SLC39A11: variants seen among roughly 807,000 people sequenced by gnomAD.
SLC39A11 encodes zinc transporter ZIP11.
Under a neutral mutation model 36.1 loss-of-function variants are expected in SLC39A11, and 33 were observed. The ratio of observed to expected loss-of-function variants is 0.91; its 90% CI spans 0.69 to 1.22. The LOEUF is 1.22. Ranked by LOEUF, SLC39A11 falls within the 50% of genes most tolerant of loss-of-function variation. The probability of loss-of-function intolerance (pLI) is 0.00; values close to 1 mark genes in which losing one functional copy is unlikely to be tolerated. For missense variants in SLC39A11, 432 were observed against 430.3 expected (o/e 1.00, Z -0.03); for synonymous variants, 166 against 170.3 (o/e 0.97, Z 0.20).
chr17:72,715,627 C>A (rs2073326300), intron 7 of SLC39A11, among the ~76,000 whole-genome samples: 1 of 152,108 alleles, frequency 6.6e-6, no homozygotes, highest in African/African-American at 2.4e-5. Flanking sequence ...ATGGCAGTTG[C>A]CAGGGGCTGG....
intron 5 of SLC39A11, among the ~76,000 whole-genome samples, chr17:72,917,798 T>C (rs934164782): frequency 6.6e-5 from 10 of 152,124 alleles, no homozygotes; most frequent in Non-Finnish European, 1.2e-4. Flanking sequence ...GATTAATGAG[T>C]GAAGGAGCTG....
intron 4 of SLC39A11, among the ~76,000 whole-genome samples, chr17:72,997,599 C>T (rs1249779515): frequency 6.6e-6 from 1 of 152,238 alleles, no homozygotes; most frequent in Non-Finnish European, 1.5e-5. Context: ...CATTCCCAAA[C>T]TACCCAGTCA....
chr17:72,862,619 C>T (rs1242851655), intron 5 of SLC39A11, among the ~76,000 whole-genome samples: 3 of 152,138 alleles, frequency 2.0e-5, no homozygotes, highest in African/African-American at 7.2e-5. Context: ...AAGGTGGCTG[C>T]TGAGAGCTTT....
At chr17:72,720,589 T>C (rs768075968) in intron 7 of SLC39A11, among the ~76,000 whole-genome samples, 2 of 152,102 alleles carry the variant, frequency 1.3e-5, no homozygotes, top group Admixed American at 1.3e-4. Flanking sequence ...AGCTGTAGGA[T>C]GTGTCATGGG....
chr17:72,855,281 C>T (rs2079579068), intron 5 of SLC39A11, among the ~76,000 whole-genome samples: 1 of 152,172 alleles, frequency 6.6e-6, no homozygotes, highest in African/African-American at 2.4e-5. Flanking sequence ...ACCAGCAACA[C>T]AGAATGTATG....
At chr17:73,042,478 A>C (rs887036246) in intron 3 of SLC39A11, among the ~76,000 whole-genome samples, 1 of 152,186 alleles carries the variant, frequency 6.6e-6, no homozygotes, top group Non-Finnish European at 1.5e-5. Flanking sequence ...GAGGACACAC[A>C]AACTTGCAAT....
intron 4 of SLC39A11, among the ~76,000 whole-genome samples, chr17:72,987,538 C>T (rs2088849321): frequency 6.6e-6 from 1 of 152,182 alleles, no homozygotes; most frequent in Admixed American, 6.5e-5. Context: ...CCTGACACTC[C>T]CATGGCAAAT....
chr17:72,752,108 T>C (rs1459791976), intron 6 of SLC39A11, among the ~76,000 whole-genome samples: 1 of 152,166 alleles, frequency 6.6e-6, no homozygotes, highest in Admixed American at 6.5e-5. Context: ...GGGGGCCTCC[T>C]TAACCTCCTA....
At chr17:72,961,658 T>C (rs1332765957) in intron 4 of SLC39A11, among the ~76,000 whole-genome samples, 1 of 151,756 alleles carries the variant, frequency 6.6e-6, no homozygotes, top group Non-Finnish European at 1.5e-5. Context: ...AAACACCGCA[T>C]GTTCTCACTC....
intron 6 of SLC39A11, among the ~76,000 whole-genome samples, chr17:72,773,287 C>T (rs1026533702): frequency 1.3e-4 from 20 of 152,044 alleles, no homozygotes; most frequent in Admixed American, 9.8e-4. Flanking sequence ...TTGGCTGTGT[C>T]CCCACCCAAA....
In SLC39A11 at chr17:72,849,628, C is replaced by T. The variant is rs770674217; in HGVS notation, c.601+6G>A. The T allele has an allele frequency of 6.7e-7, 1 of 1,493,386 alleles. No individual in the cohort carries two copies. Among genetic ancestry groups the T allele is most frequent in the South Asian group, 1.4e-5 (1 of 72,596 alleles). 92.5% of individuals were successfully genotyped at this position (1,493,386 alleles called of 1,614,324 possible). A position where few individuals can be genotyped will look rare whatever the true frequency, so the allele number is the denominator to read the frequency against. On this transcript the variant is annotated splice_donor_region_variant and intron_variant, in intron 6 of 9. Transcript: ENST00000255559. ...GTGGCTGTCACGCTCACGGGCAAGA[C>T]CTCACCTGGAACGTTGTGTATAGTG...
At chr17:72,991,797 A>G (rs1226332687) in intron 4 of SLC39A11, among the ~76,000 whole-genome samples, 2 of 152,262 alleles carry the variant, frequency 1.3e-5, no homozygotes, top group Non-Finnish European at 2.9e-5. Flanking sequence ...TGCAATGAAC[A>G]TTCTCATGCA....
chr17:72,707,408 C>T (rs1442000556), intron 7 of SLC39A11, among the ~76,000 whole-genome samples: 1 of 151,788 alleles, frequency 6.6e-6, no homozygotes, highest in African/African-American at 2.4e-5. Context: ...AAAGAGACCC[C>T]GAATGACAGA....
chr17:73,035,891 G>A (rs1215228015), intron 3 of SLC39A11, among the ~76,000 whole-genome samples: 1 of 144,040 alleles, frequency 6.9e-6, no homozygotes, highest in Non-Finnish European at 1.5e-5. Context: ...AAAAAAAGAA[G>A]GGTCAGAATC....
At chr17:72,698,766 A>G (rs2072443359) in intron 7 of SLC39A11, among the ~76,000 whole-genome samples, 1 of 152,134 alleles carries the variant, frequency 6.6e-6, no homozygotes, top group Non-Finnish European at 1.5e-5. Flanking sequence ...ACATTCCTCC[A>G]GTGTGAATAC....
chr17:72,748,816 C>T (rs890999230), intron 6 of SLC39A11, among the ~76,000 whole-genome samples: 1 of 152,176 alleles, frequency 6.6e-6, no homozygotes, highest in East Asian at 1.9e-4. Flanking sequence ...CAGATGCATG[C>T]CTCTAGCCAA....
chr17:72,702,516 G>A (rs11867919), intron 7 of SLC39A11, among the ~76,000 whole-genome samples: 4,802 of 152,182 alleles, frequency 0.032, 119 homozygotes, highest in Non-Finnish European at 0.047. Flanking sequence ...AGAGACCGAC[G>A]GTCTTCCACT....
At chr17:73,034,909 A>C (rs950149124) in intron 3 of SLC39A11, among the ~76,000 whole-genome samples, 2 of 152,178 alleles carry the variant, frequency 1.3e-5, no homozygotes, top group African/African-American at 2.4e-5. Flanking sequence ...GGATGCTTGC[A>C]ATGCAAACGC....
chr17:72,998,050 C>T (rs918859104), intron 4 of SLC39A11, among the ~76,000 whole-genome samples: 8 of 152,054 alleles, frequency 5.3e-5, no homozygotes, highest in African/African-American at 1.7e-4. Flanking sequence ...AAATTCATGC[C>T]AGTTTTGCTG....
Sources: gnomAD v4.1 joint callset for allele counts (sites outside exome capture counted in the v4.1 genomes callset) on GRCh38, gnomAD v4.1.1 for gene constraint, MANE v1.5 for transcripts, NCBI Gene and HGNC (gene_info 2026-07-23, HGNC 2026-07-21) for gene names.